The following PCSK5 variants were observed in gnomAD, a reference collection of about 807,000 sequenced individuals.
The protein encoded by PCSK5 is proprotein convertase subtilisin/kexin type 5, also known as prohormone convertase 5.
PCSK5 carries 129 observed loss-of-function variants against 233.2 expected under a neutral mutation model. That is an observed-to-expected ratio of 0.55 (90% confidence interval 0.48 to 0.64). The LOEUF is 0.64. Among genes scored for constraint, PCSK5 ranks in the 30% least tolerant of loss-of-function variants. The pLI is 0.00. For missense variants in PCSK5, 2,076 were observed against 2,430.1 expected (o/e 0.85, Z 3.06); for synonymous variants, 825 against 879.2 (o/e 0.94, Z 1.09).
rs1450569041 is a variant in PCSK5, at chr9:76,362,009, T to C, written c.*3087T>C. ...AGTTAAAGATTGGTTGAGGTTGAGA[T>C]GAACTTCAATACTAAGAAAAATTGT... On this transcript the variant is annotated 3_prime_UTR_variant, in exon 38 of 38. Coordinates refer to ENST00000674117, the MANE Select transcript of PCSK5 (RefSeq NM_001372043.1). 6.6e-6 allele frequency: 1 copy of C among 152,230 alleles called. No individual in the cohort carries two copies. The highest frequency in any genetic ancestry group is 6.5e-5 in the Admixed American group (1 of 15,276). 9.4% of individuals were successfully genotyped at this position (152,230 alleles called of 1,614,324 possible). A position where few individuals can be genotyped will look rare whatever the true frequency, so the allele number is the denominator to read the frequency against.
chr9:76,004,493 G>A (rs1192488173), intron 3 of PCSK5, among the ~76,000 whole-genome samples: 1 of 152,098 alleles, frequency 6.6e-6, no homozygotes, highest in Non-Finnish European at 1.5e-5. Flanking sequence ...ATATTTTGTA[G>A]CACGTGCATA....
At chr9:76,000,088 A>G (rs1827200234) in intron 3 of PCSK5, among the ~76,000 whole-genome samples, 1 of 152,154 alleles carries the variant, frequency 6.6e-6, no homozygotes, top group South Asian at 2.1e-4. Context: ...ACAAACAAAC[A>G]ACCCCATCAA....
chr9:76,137,840 T>C (rs1474877610), intron 10 of PCSK5, among the ~76,000 whole-genome samples: 1 of 151,966 alleles, frequency 6.6e-6, no homozygotes, highest in Non-Finnish European at 1.5e-5. Flanking sequence ...GAAGGTGACT[T>C]TGGCATTCAG....
At chr9:76,294,194 CAAA>C (rs11415964) in intron 25 of PCSK5, among the ~76,000 whole-genome samples, 8 of 99,872 alleles carry the variant, frequency 8.0e-5, no homozygotes, top group South Asian at 3.8e-4. Context: ...GATTTAGTCT[CAAA>C]AAAAAAAAAA....
intron 5 of PCSK5, among the ~76,000 whole-genome samples, chr9:76,060,496 CAG>C (rs1829988411): frequency 6.6e-6 from 1 of 152,088 alleles, no homozygotes; most frequent in African/African-American, 2.4e-5. Context: ...CTTGCAGTCT[CAG>C]GGGTGGGAAG....
At chr9:75,895,748 T>G (rs1825774636) in intron 1 of PCSK5, among the ~76,000 whole-genome samples, 3 of 152,044 alleles carry the variant, frequency 2.0e-5, no homozygotes, top group Non-Finnish European at 4.4e-5. Context: ...TTATTCTGAG[T>G]GTAGTTTGTA....
intron 1 of PCSK5, among the ~76,000 whole-genome samples, chr9:75,891,755 A>T (rs1825614850): frequency 6.8e-6 from 1 of 146,942 alleles, no homozygotes; most frequent in South Asian, 2.2e-4. Context: ...GAGAGGGGGA[A>T]ATTAGGTCTT....
At chr9:76,092,864 A>T (rs1442611366) in intron 7 of PCSK5, among the ~76,000 whole-genome samples, 1 of 152,136 alleles carries the variant, frequency 6.6e-6, no homozygotes, top group East Asian at 1.9e-4. Flanking sequence ...ATCTCTTAAC[A>T]ATTGACTCTT....
intron 1 of PCSK5, among the ~76,000 whole-genome samples, chr9:75,914,281 G>T (rs1466086454): frequency 2.0e-5 from 3 of 152,122 alleles, no homozygotes; most frequent in Non-Finnish European, 2.9e-5. Flanking sequence ...CTTGAATCTT[G>T]TTGCATCCAT....
chr9:76,304,450 G>A (rs1446493385), intron 28 of PCSK5, among the ~76,000 whole-genome samples: 5 of 152,190 alleles, frequency 3.3e-5, no homozygotes, highest in Non-Finnish European at 4.4e-5. Context: ...AGGAAGAGGG[G>A]AGTAAAACAA....
intron 5 of PCSK5, among the ~76,000 whole-genome samples, chr9:76,031,779 AGTT>A (rs977370459): frequency 5.5e-4 from 84 of 152,358 alleles, no homozygotes; most frequent in African/African-American, 1.9e-3. Context: ...ACATAATTAC[AGTT>A]GTTATTATTA....
At chr9:76,116,399 G>A (rs1194657315) in intron 9 of PCSK5, among the ~76,000 whole-genome samples, 1 of 152,064 alleles carries the variant, frequency 6.6e-6, no homozygotes. Context: ...TGACTAAGAT[G>A]AAGTAAAAGT....
intron 5 of PCSK5, among the ~76,000 whole-genome samples, chr9:76,064,549 G>C (rs1451878919): frequency 4.0e-5 from 6 of 150,396 alleles, no homozygotes; most frequent in Admixed American, 2.6e-4. Context: ...TGGCTGCCGG[G>C]CGGAGACGCT....
chr9:76,320,522 G>A (rs1829165795), intron 30 of PCSK5, among the ~76,000 whole-genome samples: 3 of 108,972 alleles, frequency 2.8e-5, no homozygotes, highest in African/African-American at 1.2e-4. Context: ...AGGCTGGAGT[G>A]CAGTGGAGTG....
chr9:75,983,888 C>A (rs552713515), intron 2 of PCSK5, among the ~76,000 whole-genome samples: 1 of 152,122 alleles, frequency 6.6e-6, no homozygotes, highest in South Asian at 2.1e-4. Context: ...AGAAACCTTC[C>A]GATCCAAGAG....
chr9:76,293,017 G>C lies in PCSK5; in HGVS notation c.3185+742G>C, dbSNP rs569678668. 2.6e-5 allele frequency among the ~76,000 whole-genome samples: 4 copies of C among 152,300 alleles called. No homozygotes were observed. In the South Asian group the frequency reaches 8.3e-4, roughly 32 times the overall value. On this transcript the variant is annotated intron_variant, in intron 25 of 37. Coordinates refer to ENST00000674117, the MANE Select transcript of PCSK5 (RefSeq NM_001372043.1). ...TTTATTGAGATTGTCAGAGACACAG[G>C]AGGATGTTAATCTCCTGAAGAGAAA...
chr9:76,256,182 G>A (rs545338267), intron 24 of PCSK5, among the ~76,000 whole-genome samples: 1 of 152,298 alleles, frequency 6.6e-6, no homozygotes, highest in East Asian at 1.9e-4. Context: ...AGTTATGGGG[G>A]AGAAGAACAT....
chr9:75,912,144 A>C (rs773301689), intron 1 of PCSK5, among the ~76,000 whole-genome samples: 2 of 151,328 alleles, frequency 1.3e-5, no homozygotes, highest in Non-Finnish European at 2.9e-5. Flanking sequence ...AGAGACTGGA[A>C]ATTTTTTTTT....
At chr9:76,186,177 T>C (rs952031109) in intron 17 of PCSK5, among the ~76,000 whole-genome samples, 1 of 152,218 alleles carries the variant, frequency 6.6e-6, no homozygotes, top group Non-Finnish European at 1.5e-5. Context: ...TTCTTTTTCA[T>C]TGTTGTACTG....
Sources: gnomAD v4.1 joint callset for allele counts (sites outside exome capture counted in the v4.1 genomes callset) on GRCh38, gnomAD v4.1.1 for gene constraint, MANE v1.5 for transcripts, NCBI Gene and HGNC (gene_info 2026-07-23, HGNC 2026-07-21) for gene names.